EFL1: variants seen among roughly 807,000 people sequenced by gnomAD.
The protein encoded by EFL1 is elongation factor-like GTPase 1.
Under a neutral mutation model 126.7 loss-of-function variants are expected in EFL1, and 76 were observed. The observed-to-expected ratio is 0.60, with a 90% CI of 0.50 to 0.73. The LOEUF is 0.73. Ranked by LOEUF, EFL1 falls within the 30% of genes least tolerant of loss-of-function variation. The probability of loss-of-function intolerance (pLI) is 0.00; values close to 1 mark genes in which losing one functional copy is unlikely to be tolerated. For synonymous variants in EFL1, 410 were observed against 448.4 expected (o/e 0.91, Z 1.08); for missense variants, 1,128 against 1,343.2 (o/e 0.84, Z 2.50).
At chr15:82,208,325 G>A (rs923773763) in intron 15 of EFL1, among the ~76,000 whole-genome samples, 1 of 152,154 alleles carries the variant, frequency 6.6e-6, no homozygotes, top group Non-Finnish European at 1.5e-5. Context: ...CTCAAGAGCA[G>A]CACTATACAA....
At chr15:82,213,493 A>G (rs1350853736) in intron 15 of EFL1, among the ~76,000 whole-genome samples, 1 of 152,246 alleles carries the variant, frequency 6.6e-6, no homozygotes, top group African/African-American at 2.4e-5. Flanking sequence ...CAACAGAAAG[A>G]AAACCAGAAA....
At chr15:82,173,865 T>C (rs906219388) in intron 15 of EFL1, among the ~76,000 whole-genome samples, 4 of 152,194 alleles carry the variant, frequency 2.6e-5, no homozygotes, top group Non-Finnish European at 5.9e-5. Context: ...ACTATTTTTA[T>C]GATGATAAAA....
intron 17 of EFL1, among the ~76,000 whole-genome samples, chr15:82,153,719 C>T (rs556771033): frequency 1.4e-4 from 21 of 152,156 alleles, no homozygotes; most frequent in Non-Finnish European, 2.5e-4. Flanking sequence ...TACAACACTA[C>T]GAAGTTTGTA....
chr15:82,210,371 C>G (rs1210857667), intron 15 of EFL1, among the ~76,000 whole-genome samples: 7 of 152,150 alleles, frequency 4.6e-5, no homozygotes, highest in African/African-American at 1.7e-4. Flanking sequence ...GATATACCTT[C>G]CTCCTGGCTC....
At chr15:82,206,416 T>C (rs1409681010) in intron 15 of EFL1, among the ~76,000 whole-genome samples, 1 of 152,128 alleles carries the variant, frequency 6.6e-6, no homozygotes, top group African/African-American at 2.4e-5. Flanking sequence ...TATGGAAACA[T>C]ATTAAATAAC....
chr15:82,168,801 T>C (rs1255998322), intron 15 of EFL1, among the ~76,000 whole-genome samples: 1 of 152,168 alleles, frequency 6.6e-6, no homozygotes, highest in Non-Finnish European at 1.5e-5. Flanking sequence ...GATGTAATAA[T>C]AGTTCTTACA....
chr15:82,151,319 CAG>C, intron 18 of EFL1, 144 bp downstream of exon 18: 2 of 736,678 alleles, frequency 2.7e-6, no homozygotes, highest in Non-Finnish European at 4.5e-6. Flanking sequence ...GCCTGGTAGG[CAG>C]AGGTTGCAGT....
At chr15:82,142,320 G>C (rs527429568) in intron 18 of EFL1, among the ~76,000 whole-genome samples, 1 of 152,224 alleles carries the variant, frequency 6.6e-6, no homozygotes, top group South Asian at 2.1e-4. Flanking sequence ...ACAAGACCCT[G>C]TCTCTAAAAA....
At chr15:82,248,201 G>C (rs564418639) in intron 4 of EFL1, among the ~76,000 whole-genome samples, 28 of 152,054 alleles carry the variant, frequency 1.8e-4, no homozygotes, top group South Asian at 1.0e-3. Context: ...TAGTTTCTTA[G>C]GCCTGGCATC....
chr15:82,145,788 A>G (rs2073838620), intron 18 of EFL1, among the ~76,000 whole-genome samples: 1 of 151,060 alleles, frequency 6.6e-6, no homozygotes, highest in African/African-American at 2.4e-5. Context: ...GTGAGCCAAG[A>G]TCGTGCCATT....
chr15:82,193,586 T>A (rs1188310125), intron 15 of EFL1, among the ~76,000 whole-genome samples: 2 of 152,280 alleles, frequency 1.3e-5, no homozygotes, highest in Non-Finnish European at 2.9e-5. Context: ...AGAGTAAAAT[T>A]TGGCAAAACA....
intron 4 of EFL1, among the ~76,000 whole-genome samples, chr15:82,242,221 C>A (rs2074938559): frequency 6.6e-6 from 1 of 151,948 alleles, no homozygotes; most frequent in African/African-American, 2.4e-5. Context: ...TGATATAATT[C>A]TCTTTTAAAG....
chr15:82,220,518 GAAAAGGC>G (rs2074700780), intron 12 of EFL1, among the ~76,000 whole-genome samples: 1 of 152,170 alleles, frequency 6.6e-6, no homozygotes, highest in African/African-American at 2.4e-5. Context: ...ATTCCTTCTG[GAAAAGGC>G]AAAGAACAGG....
chr15:82,261,587 G>A, intron 2 of EFL1, 101 bp downstream of exon 2: 1 of 1,133,720 alleles, frequency 8.8e-7, no homozygotes, highest in Non-Finnish European at 1.3e-6. Flanking sequence ...TTGCTTCTTA[G>A]CAAACATCAC....
At chr15:82,184,212 T>C (rs1200093414) in intron 15 of EFL1, among the ~76,000 whole-genome samples, 4 of 152,236 alleles carry the variant, frequency 2.6e-5, no homozygotes, top group African/African-American at 4.8e-5. Flanking sequence ...GTGCAAAAGA[T>C]CTGTAGTTGA....
chr15:82,193,898 C>T (rs910753222), intron 15 of EFL1, among the ~76,000 whole-genome samples: 67 of 152,312 alleles, frequency 4.4e-4, no homozygotes, highest in African/African-American at 1.4e-3. Context: ...CCCAACTCGC[C>T]GCCTTCACTC....
intron 15 of EFL1, among the ~76,000 whole-genome samples, chr15:82,205,727 T>C (rs148381074): frequency 2.3e-3 from 344 of 152,386 alleles, no homozygotes; most frequent in African/African-American, 7.8e-3. Context: ...AAGAGGAATA[T>C]ACTCTTTGAA....
intron 4 of EFL1, among the ~76,000 whole-genome samples, chr15:82,243,596 C>A: frequency 1.1e-5 from 1 of 90,042 alleles, no homozygotes; most frequent in South Asian, 4.5e-4. Flanking sequence ...GGACCTGATA[C>A]TGAAGTTTCA....
intron 15 of EFL1, among the ~76,000 whole-genome samples, chr15:82,169,005 T>A (rs922754990): frequency 1.3e-5 from 2 of 152,116 alleles, no homozygotes; most frequent in Admixed American, 1.3e-4. Context: ...TATGTGTCAC[T>A]GTAAGGTCCC....
Sources: allele counts gnomAD v4.1 joint callset (sites outside exome capture counted in the v4.1 genomes callset), GRCh38; gene constraint gnomAD v4.1.1; transcripts MANE v1.5; gene names NCBI Gene and HGNC (gene_info 2026-07-23, HGNC 2026-07-21).